ACVR1C: variants seen among roughly 807,000 people sequenced by gnomAD.
ACVR1C encodes the protein activin receptor type-1C.
ACVR1C carries 23 observed loss-of-function variants against 57.9 expected under a neutral mutation model. The observed-to-expected ratio is 0.40, with a 90% confidence interval of 0.29 to 0.56. The LOEUF is 0.56. Ranked by LOEUF, ACVR1C falls within the 20% of genes least tolerant of loss-of-function variation. The probability of loss-of-function intolerance (pLI) is 0.50; values close to 1 mark genes in which losing one functional copy is unlikely to be tolerated. For synonymous variants in ACVR1C, 214 were observed against 215.3 expected (o/e 0.99, Z 0.05); for missense variants, 480 against 607.9 (o/e 0.79, Z 2.21).
At chr2:157,604,703 G>C (rs1682355582) in intron 1 of ACVR1C, among the ~76,000 whole-genome samples, 1 of 151,854 alleles carries the variant, frequency 6.6e-6, no homozygotes, top group Non-Finnish European at 1.5e-5. Flanking sequence ...TAATGTATGA[G>C]AGTTCCAGTT....
At position 157,533,883 on chromosome 2, in the gene ACVR1C, C is replaced by A; in HGVS notation, c.*35G>T. Reference sequence around the variant, plus strand: ...ATAAAGGGGAAAATGGAAAAGAAAGCTATGAGAGATTTCTTTTTAACATAA... The same window carrying A: ...ATAAAGGGGAAAATGGAAAAGAAAGATATGAGAGATTTCTTTTTAACATAA... On this transcript the variant is annotated 3_prime_UTR_variant, in exon 9 of 9. Coordinates refer to ENST00000243349, the MANE Select transcript of ACVR1C (RefSeq NM_145259.3). The A allele has an allele frequency of 2.0e-6, 3 of 1,498,838 alleles. No homozygotes were observed. Among genetic ancestry groups the A allele is most frequent in the Non-Finnish European group, 1.8e-6 (2 of 1,127,836 alleles). The allele number at this position is 1,498,838 out of a possible 1,614,324, so 92.8% of individuals were successfully genotyped here. A position where few individuals can be genotyped will look rare whatever the true frequency, so the allele number is the denominator to read the frequency against.
At chr2:157,547,140 C>T (rs1164490727) in intron 4 of ACVR1C, among the ~76,000 whole-genome samples, 4 of 135,208 alleles carry the variant, frequency 3.0e-5, no homozygotes, top group African/African-American at 8.2e-5. Context: ...CTACAAAGGA[C>T]ATGAACTCAT....
Position 157,533,991 on chromosome 2 carries a change from G to A in ACVR1C, c.1409C>T (p.Ala470Val), listed in dbSNP as rs745978613. ...IMRECWYANGAARLTALRIKK... is the reference protein window; with the variant it reads ...IMRECWYANGVARLTALRIKK... ...AATACGAAGAGCAGTTAGGCGGGCCGCTCCGTTGGCATACCAACACTCACG... is the reference window on the plus strand; with the variant it reads ...AATACGAAGAGCAGTTAGGCGGGCCACTCCGTTGGCATACCAACACTCACG... Residue 470 changes from alanine to valine, a missense_variant, in exon 9 of 9, where the codon GCG becomes GTG. Physicochemically the swap from Ala to Val is moderately conservative, Grantham distance 64 (BLOSUM62 0). Transcript: ENST00000243349. The A allele has an allele frequency of 8.2e-6, 13 of 1,594,352 alleles. No homozygotes were observed. The highest frequency in any genetic ancestry group is 4.6e-5 in the East Asian group (2 of 43,900).
intron 1 of ACVR1C, among the ~76,000 whole-genome samples, chr2:157,608,640 A>G (rs1023706107): frequency 1.3e-5 from 2 of 151,792 alleles, no homozygotes; most frequent in Non-Finnish European, 3.0e-5. Context: ...GAGACTTTTC[A>G]TTACAACTCA....
At chr2:157,565,457 C>CCCTCCAACATGCT (rs1688346488) in intron 2 of ACVR1C, among the ~76,000 whole-genome samples, 1 of 152,110 alleles carries the variant, frequency 6.6e-6, no homozygotes, top group East Asian at 1.9e-4. Context: ...TCGCTTAGAT[C>CCCTCCAACATGCT]CCTCCAACAT....
intron 2 of ACVR1C, among the ~76,000 whole-genome samples, chr2:157,579,095 GC>G (rs2105248743): frequency 6.6e-6 from 1 of 152,184 alleles, no homozygotes; most frequent in Admixed American, 6.5e-5. Context: ...AATGTGTTAA[GC>G]TTTGGAAGTC....
chr2:157,529,477 C>A lies in ACVR1C; in HGVS notation c.*4441G>T, dbSNP rs188224653. ...CATTCAAGGTAGGTTTAGATGCATG[C>A]GAATTAATTTTTAATCAGTAAAAGT... On this transcript the variant is annotated 3_prime_UTR_variant, in exon 9 of 9. Coordinates refer to ENST00000243349, the MANE Select transcript of ACVR1C (RefSeq NM_145259.3). 1.1e-3 allele frequency: 162 copies of A among 152,114 alleles called. No homozygotes were observed. Among genetic ancestry groups the A allele is most frequent in the African/African-American group, 3.7e-3 (154 of 41,510 alleles). The allele number at this position is 152,114 out of a possible 1,614,324, so 9.4% of individuals were successfully genotyped here.
intron 1 of ACVR1C, among the ~76,000 whole-genome samples, chr2:157,627,838 T>C (rs1473727533): frequency 6.6e-6 from 1 of 152,254 alleles, no homozygotes; most frequent in Non-Finnish European, 1.5e-5. Context: ...TTACCAAAGA[T>C]GCATTTGCCC....
intron 2 of ACVR1C, among the ~76,000 whole-genome samples, chr2:157,581,190 AAG>A (rs1688780033): frequency 6.6e-6 from 1 of 152,174 alleles, no homozygotes; most frequent in Non-Finnish European, 1.5e-5. Context: ...AAGGTTTCCC[AAG>A]ACCATGAGCT....
At chr2:157,546,584 C>T (rs1687760705) in intron 4 of ACVR1C, among the ~76,000 whole-genome samples, 1 of 152,036 alleles carries the variant, frequency 6.6e-6, no homozygotes, top group African/African-American at 2.4e-5. Context: ...AATCTTGACT[C>T]TACCATAAAG....
At chr2:157,619,595 T>C (rs948450195) in intron 1 of ACVR1C, among the ~76,000 whole-genome samples, 1 of 152,014 alleles carries the variant, frequency 6.6e-6, no homozygotes, top group African/African-American at 2.4e-5. Context: ...GTTAAGTGGA[T>C]GCAACAGTAA....
intron 1 of ACVR1C, among the ~76,000 whole-genome samples, chr2:157,603,567 T>TC (rs1309680785): frequency 6.6e-6 from 1 of 152,084 alleles, no homozygotes; most frequent in African/African-American, 2.4e-5. Flanking sequence ...AAATGACCTT[T>TC]CAAGTCCAAC....
chr2:157,544,518 A>G lies in ACVR1C; in HGVS notation c.870T>C (p.Ala290=). 1 of 1,614,130 alleles carries G rather than the reference A, an allele frequency of 6.2e-7. No homozygotes were observed. Among genetic ancestry groups the G allele is most frequent in the Non-Finnish European group, 8.5e-7 (1 of 1,179,990 alleles). Residue 290 remains alanine (A), a synonymous_variant, in exon 5 of 9, where the codon GCT becomes GCC. Transcript: ENST00000243349. ...DYLNRNIVTV[A]GMIKLALSIA... ...TTGAGAGCGCCAGCTTGATCATTCC[A>G]GCCACGGTCACTATATTTCTATTCA...
At chr2:157,588,253 ACAC>A (rs1688974677) in intron 1 of ACVR1C, among the ~76,000 whole-genome samples, 2 of 151,854 alleles carry the variant, frequency 1.3e-5, no homozygotes, top group Non-Finnish European at 2.9e-5. Context: ...ACACACACAC[ACAC>A]ACACACACAC....
rs918643488 is a variant in ACVR1C, at chr2:157,529,386, T to G, written c.*4532A>C. Reference sequence around the variant, plus strand: ...CCTCACTCTGAGTGAGTAAATTATTTTAGTAGAAACCCAAAGAAAAGTGGG... The same window carrying G: ...CCTCACTCTGAGTGAGTAAATTATTGTAGTAGAAACCCAAAGAAAAGTGGG... On this transcript the variant is annotated 3_prime_UTR_variant, in exon 9 of 9. Transcript: ENST00000243349. 1 of 152,122 alleles carries G rather than the reference T, an allele frequency of 6.6e-6. No homozygotes were observed. The highest frequency in any genetic ancestry group is 2.4e-5 in the African/African-American group (1 of 41,446). The allele number at this position is 152,122 out of a possible 1,614,324, so 9.4% of individuals were successfully genotyped here.
At chr2:157,585,301 TGTAA>T (rs1389521670) in intron 2 of ACVR1C, among the ~76,000 whole-genome samples, 1 of 152,200 alleles carries the variant, frequency 6.6e-6, no homozygotes, top group Non-Finnish European at 1.5e-5. Context: ...ACTATTTTTT[TGTAA>T]ATAAATAAAT....
intron 1 of ACVR1C, among the ~76,000 whole-genome samples, chr2:157,603,590 C>A (rs528111133): frequency 6.6e-6 from 1 of 152,158 alleles, no homozygotes; most frequent in East Asian, 1.9e-4. Context: ...AGTGCTTTCA[C>A]CTAAAAGAAC....
At chr2:157,615,225 G>A (rs1241444094) in intron 1 of ACVR1C, among the ~76,000 whole-genome samples, 2 of 151,900 alleles carry the variant, frequency 1.3e-5, no homozygotes, top group Admixed American at 6.6e-5. Context: ...CCAGCACTAT[G>A]GGAGGCCAAG....
intron 1 of ACVR1C, among the ~76,000 whole-genome samples, chr2:157,621,438 C>CT (rs35627872): frequency 6.6e-6 from 1 of 152,150 alleles, no homozygotes; most frequent in Non-Finnish European, 1.5e-5. Context: ...CATCCTTTTA[C>CT]TTTTTACTGG....
Sources: gnomAD v4.1 joint callset for allele counts (sites outside exome capture counted in the v4.1 genomes callset) on GRCh38, gnomAD v4.1.1 for gene constraint, MANE v1.5 for transcripts, NCBI Gene and HGNC (gene_info 2026-07-23, HGNC 2026-07-21) for gene names.